Variants in HINT3 observed in about 807,000 individuals in gnomAD.
The protein encoded by HINT3 is histidine triad nucleotide binding protein 3.
HINT3 carries 16 observed loss-of-function variants against 19.1 expected under a neutral mutation model. That is an observed-to-expected ratio of 0.84 (90% CI 0.57 to 1.27). The LOEUF (loss-of-function observed/expected upper bound fraction) is 1.27. Ranked by LOEUF, HINT3 falls within the 50% of genes most tolerant of loss-of-function variation. The probability of loss-of-function intolerance (pLI) is 0.00; values close to 1 mark genes in which losing one functional copy is unlikely to be tolerated. For missense variants in HINT3, 197 were observed against 225.8 expected (o/e 0.87, Z 0.82); for synonymous variants, 75 against 84.8 (o/e 0.88, Z 0.63).
At chr6:125,964,450 AG>A (rs1343070956) in intron 1 of HINT3, among the ~76,000 whole-genome samples, 2 of 152,120 alleles carry the variant, frequency 1.3e-5, no homozygotes, top group Non-Finnish European at 2.9e-5. Flanking sequence ...TTCCATTGTG[AG>A]TAAATAGGTA....
chr6:125,963,135 G>A (rs1226622471), intron 1 of HINT3, among the ~76,000 whole-genome samples: 1 of 152,154 alleles, frequency 6.6e-6, no homozygotes, highest in Non-Finnish European at 1.5e-5. Flanking sequence ...GGGCGTCTAT[G>A]TATTTCCACC....
chr6:125,960,531 C>T (rs1198905871), intron 1 of HINT3, among the ~76,000 whole-genome samples: 1 of 152,016 alleles, frequency 6.6e-6, no homozygotes, highest in Non-Finnish European at 1.5e-5. Context: ...GTGGCAGGCA[C>T]CTGTAATCCC....
At chr6:125,976,066 T>G (rs1315181780) in intron 4 of HINT3, among the ~76,000 whole-genome samples, 3 of 152,318 alleles carry the variant, frequency 2.0e-5, no homozygotes, top group Admixed American at 6.5e-5. Flanking sequence ...GACAAAGTGA[T>G]CTGTAGTTGC....
intron 1 of HINT3, among the ~76,000 whole-genome samples, chr6:125,962,083 A>G (rs1420138867): frequency 6.7e-6 from 1 of 150,258 alleles, no homozygotes; most frequent in Non-Finnish European, 1.5e-5. Context: ...AAATGCCTCG[A>G]CATGGTAACA....
At chr6:125,958,752 G>C (rs1033960850) in intron 1 of HINT3, among the ~76,000 whole-genome samples, 1 of 152,118 alleles carries the variant, frequency 6.6e-6, no homozygotes, top group African/African-American at 2.4e-5. Context: ...TCTAGGGGTT[G>C]CTTCTGGGAC....
intron 2 of HINT3, among the ~76,000 whole-genome samples, chr6:125,971,383 G>C (rs570040836): frequency 6.6e-6 from 1 of 152,298 alleles, no homozygotes; most frequent in East Asian, 1.9e-4. Context: ...CATATGATCA[G>C]ATGTCCTAAA....
intron 1 of HINT3, 58 bp downstream of exon 1, chr6:125,957,236 G>A (rs1215243312): frequency 3.4e-6 from 5 of 1,475,906 alleles, no homozygotes; most frequent in Non-Finnish European, 3.6e-6. Context: ...TCGGAGCTCC[G>A]GCAGGGAGGC....
chr6:125,957,178 G>A lies in HINT3; in HGVS notation c.201G>A (p.Glu67=), dbSNP rs1562210619. 2 of 1,543,146 alleles carry A rather than the reference G, an allele frequency of 1.3e-6. No homozygotes were observed. The highest frequency in any genetic ancestry group is 1.8e-6 in the Non-Finnish European group (2 of 1,142,276). ...CGGGCACCGAACTCCTGCACTGCGA[G>A]GTGGGCGGCGACGCGCGGCCGGGGG... ...QDPGTELLHC[E]NEDLICFKDI... The change falls in exon 1 of 5, where the codon GAG becomes GAA. Residue 67 remains glutamate, a splice_region_variant and synonymous_variant. Coordinates refer to ENST00000229633, the MANE Select transcript of HINT3 (RefSeq NM_138571.5).
chr6:125,965,537 G>GT (rs1789005121), intron 1 of HINT3, among the ~76,000 whole-genome samples: 1 of 152,098 alleles, frequency 6.6e-6, no homozygotes, highest in Non-Finnish European at 1.5e-5. Flanking sequence ...GAGGCAGGAG[G>GT]ATCGCTTGAG....
rs1334416940 is a variant in HINT3 at position 125,962,237 on chromosome 6, C to CATAT, written c.202-4640_202-4637dup. Among the ~76,000 whole-genome samples the CATAT allele has an allele frequency of 1.5e-3, 24 of 15,756 alleles. 2 individuals carry two copies. The highest frequency in any genetic ancestry group is 4.8e-3 in the African/African-American group (15 of 3,114). The allele number at this position is 15,756 out of a possible 152,430, so 10.3% of individuals were successfully genotyped here. ...ACATATATATATATATATATATACA[C>CATAT]ATATATATATATACACACATATATA... On this transcript the variant is annotated intron_variant, in intron 1 of 4. Coordinates refer to ENST00000229633, the MANE Select transcript of HINT3 (RefSeq NM_138571.5).
intron 2 of HINT3, among the ~76,000 whole-genome samples, chr6:125,968,451 G>A (rs1789048893): frequency 6.6e-6 from 1 of 152,180 alleles, no homozygotes; most frequent in African/African-American, 2.4e-5. Flanking sequence ...CTTTGCTGTT[G>A]TGAATAGTGC....
At chr6:125,958,916 A>G (rs1211710208) in intron 1 of HINT3, among the ~76,000 whole-genome samples, 1 of 152,208 alleles carries the variant, frequency 6.6e-6, no homozygotes, top group African/African-American at 2.4e-5. Flanking sequence ...ATTTAGATAT[A>G]AGAGGATAAG....
chr6:125,976,469 T>C (rs1789179664), intron 4 of HINT3, among the ~76,000 whole-genome samples: 1 of 150,030 alleles, frequency 6.7e-6, no homozygotes, highest in Non-Finnish European at 1.5e-5. Context: ...TGTGTGTATG[T>C]ATTTGAAATT....
At chr6:125,959,573 G>C (rs1788888980) in intron 1 of HINT3, among the ~76,000 whole-genome samples, 1 of 152,172 alleles carries the variant, frequency 6.6e-6, no homozygotes, top group Non-Finnish European at 1.5e-5. Context: ...GAAGCAAAAG[G>C]CAGATAGCAG....
intron 1 of HINT3, among the ~76,000 whole-genome samples, chr6:125,960,671 A>AGGGGAGGG (rs1562211533): frequency 1.1e-5 from 1 of 92,472 alleles, no homozygotes; most frequent in Non-Finnish European, 2.2e-5. Flanking sequence ...GGGGGAAAAA[A>AGGGGAGGG]AAAGAAGTTA....
At position 125,974,957 on chromosome 6, in the gene HINT3, C is replaced by A. The variant is rs772720084; in HGVS notation, c.500C>A (p.Ser167Tyr). ...FLSKLVYRVN[S>Y]YWFITADHLI... The stretch of plus-strand genomic sequence containing the variant: ...TCCAAGTTGGTTTATAGAGTCAATT[C>A]CTATTGGTTTATCACAGTGAGTATT... The change falls in exon 4 of 5, where the codon TCC (serine) becomes TAC (tyrosine). Residue 167 changes from serine (S) to tyrosine (Y), a missense_variant. Ser to Tyr is a moderately radical substitution (Grantham distance 144). Transcript: ENST00000229633. The A allele has an allele frequency of 6.2e-7, 1 of 1,613,696 alleles. No homozygotes were observed. The highest frequency in any genetic ancestry group is 1.3e-5 in the African/African-American group (1 of 74,880).
In HINT3 at chr6:125,956,823, C is replaced by T; in HGVS notation, c.-155C>T. 1 of 785,388 alleles carries T rather than the reference C, an allele frequency of 1.3e-6. No homozygotes were observed. Among genetic ancestry groups the T allele is most frequent in the Non-Finnish European group, 2.0e-6 (1 of 506,656 alleles). 48.7% of individuals were successfully genotyped at this position (785,388 alleles called of 1,614,324 possible). On this transcript the variant is annotated 5_prime_UTR_variant, in exon 1 of 5. Coordinates refer to ENST00000229633, the MANE Select transcript of HINT3 (RefSeq NM_138571.5). ...CCTCCGGCTTTGAAGTTCCTCACCG[C>T]GTCTCCTTCCCTCTCCCCAAAGCCT...
chr6:125,979,448 T>A lies in HINT3; in HGVS notation c.*1772T>A, dbSNP rs1354595198. The A allele has an allele frequency of 6.6e-6, 1 of 152,226 alleles. No individual in the cohort carries two copies. Among genetic ancestry groups the A allele is most frequent in the East Asian group, 1.9e-4 (1 of 5,202 alleles). The allele number at this position is 152,226 out of a possible 1,614,324, so 9.4% of individuals were successfully genotyped here. ...CTTGCAGTGATATAATTGACAACAT[T>A]ATTTAACAATAATAGGTAAAGTAGG... is the stretch of plus-strand genomic sequence containing the variant. On this transcript the variant is annotated 3_prime_UTR_variant, in exon 5 of 5. Coordinates refer to ENST00000229633, the MANE Select transcript of HINT3 (RefSeq NM_138571.5).
intron 1 of HINT3, among the ~76,000 whole-genome samples, 161 bp from the exon 2 acceptor site, chr6:125,966,726 G>T (rs1275757175): frequency 1.3e-5 from 2 of 152,122 alleles, no homozygotes; most frequent in Non-Finnish European, 2.9e-5. Context: ...TGAAGGAAGT[G>T]TTATGAACTT....
Sources: gnomAD v4.1 joint callset for allele counts (sites outside exome capture counted in the v4.1 genomes callset) on GRCh38, gnomAD v4.1.1 for gene constraint, MANE v1.5 for transcripts, NCBI Gene and HGNC (gene_info 2026-07-23, HGNC 2026-07-21) for gene names.